Variants in NCKAP5 observed in about 807,000 individuals in gnomAD.
The protein encoded by NCKAP5 is nck-associated protein 5.
A neutral mutation model predicts 167.0 loss-of-function variants in NCKAP5; 92 were observed. The ratio of observed to expected loss-of-function variants is 0.55; its 90% CI spans 0.47 to 0.66. The LOEUF (loss-of-function observed/expected upper bound fraction) is 0.66, where lower values mean the gene tolerates loss of function less well. Among genes scored for constraint, NCKAP5 ranks in the 30% least tolerant of loss-of-function variants. The pLI is 0.00. For missense variants in NCKAP5, 2,378 were observed against 2,315.0 expected, an observed-to-expected ratio of 1.03 and a Z score of -0.56; for synonymous variants, 891 against 877.4, an observed-to-expected ratio of 1.02 and a Z score of -0.27.
chr2:133,387,380 C>T lies in NCKAP5; in HGVS notation c.70-84270G>A, dbSNP rs188434565. Among the ~76,000 whole-genome samples, 3 of 152,352 alleles carry T rather than the reference C, an allele frequency of 2.0e-5. No homozygotes were observed. The East Asian group carries it at 5.8e-4, about 29-fold the overall frequency. On this transcript the variant is annotated intron_variant, in intron 3 of 19. Coordinates refer to ENST00000409261, the MANE Select transcript of NCKAP5 (RefSeq NM_207363.3). Reference sequence around the variant, plus strand: ...AGAATGTTGAATATTGGCCCCCACTCTCTTCTGGCTCATAGAGTTTCTGCC... The same window carrying T: ...AGAATGTTGAATATTGGCCCCCACTTTCTTCTGGCTCATAGAGTTTCTGCC...
intron 2 of NCKAP5, among the ~76,000 whole-genome samples, chr2:133,518,266 A>G (rs1684176948): frequency 6.6e-6 from 1 of 151,312 alleles, no homozygotes; most frequent in East Asian, 2.0e-4. Context: ...AGGATTCATC[A>G]TATATGTTAA....
At chr2:132,978,818 C>G (rs1043388284) in intron 7 of NCKAP5, among the ~76,000 whole-genome samples, 2 of 152,178 alleles carry the variant, frequency 1.3e-5, no homozygotes, top group Non-Finnish European at 2.9e-5. Context: ...GACTTCTGCC[C>G]ACAACAACCC....
chr2:133,491,434 C>A (rs970015533), intron 3 of NCKAP5, among the ~76,000 whole-genome samples: 25 of 152,032 alleles, frequency 1.6e-4, no homozygotes, highest in African/African-American at 5.1e-4. Flanking sequence ...ATGTTGTGTG[C>A]AGAGAGGTCC....
At chr2:132,755,649 T>C (rs1680475467) in intron 16 of NCKAP5, among the ~76,000 whole-genome samples, 1 of 151,662 alleles carries the variant, frequency 6.6e-6, no homozygotes, top group South Asian at 2.1e-4. Context: ...ACCAACATGG[T>C]GAAACCCCGT....
intron 3 of NCKAP5, among the ~76,000 whole-genome samples, chr2:133,425,055 A>G (rs1574933029): frequency 6.6e-6 from 1 of 152,336 alleles, no homozygotes; most frequent in East Asian, 1.9e-4. Flanking sequence ...TTTTCCTACA[A>G]GGGAGCCTTG....
At chr2:133,573,403 G>C (rs1315734392), upstream of NCKAP5, among the ~76,000 whole-genome samples, 1 of 152,160 alleles carries the variant, frequency 6.6e-6, no homozygotes, top group Non-Finnish European at 1.5e-5. Context: ...CAACCCCAAG[G>C]ACCTTTGGCG....
the NCKAP5 span, among the ~76,000 whole-genome samples, chr2:133,651,690 C>A: frequency 6.6e-6 from 1 of 152,148 alleles, no homozygotes; most frequent in Non-Finnish European, 1.5e-5. Flanking sequence ...ATCAGGATCT[C>A]AAAGAGATAT....
At chr2:132,746,169 G>A (rs969323970) in intron 16 of NCKAP5, among the ~76,000 whole-genome samples, 1 of 151,972 alleles carries the variant, frequency 6.6e-6, no homozygotes, top group Non-Finnish European at 1.5e-5. Flanking sequence ...ATAAGGCTAC[G>A]TTCATTAAGA....
chr2:132,974,732 C>T (rs1248730433), intron 7 of NCKAP5, among the ~76,000 whole-genome samples: 2 of 152,306 alleles, frequency 1.3e-5, no homozygotes, highest in East Asian at 3.9e-4. Context: ...AGCGTTTCTC[C>T]CAAGGCTCCC....
At chr2:132,766,898 C>T (rs780458772) in intron 16 of NCKAP5, among the ~76,000 whole-genome samples, 4 of 152,166 alleles carry the variant, frequency 2.6e-5, no homozygotes, top group Non-Finnish European at 5.9e-5. Context: ...TCTGTCTCTA[C>T]CTAACTGCAG....
intron 7 of NCKAP5, among the ~76,000 whole-genome samples, chr2:132,980,784 G>C (rs2077113696): frequency 6.6e-6 from 1 of 151,944 alleles, no homozygotes; most frequent in East Asian, 1.9e-4. Context: ...GAAAAAAAAA[G>C]GTAATAAAAA....
rs70973417 is a variant in NCKAP5 at position 133,200,061 on chromosome 2, C to CTTTTTTTT, written c.207+13647_207+13654dup. Among the ~76,000 whole-genome samples the CTTTTTTTT allele has an allele frequency of 1.8e-3, 195 of 109,350 alleles. 4 individuals are homozygous for CTTTTTTTT. The highest frequency in any genetic ancestry group is 0.016 in the East Asian group (57 of 3,532). The allele number at this position is 109,350 out of a possible 152,430, so 71.7% of individuals were successfully genotyped here. A position where few individuals can be genotyped will look rare whatever the true frequency, so the allele number is the denominator to read the frequency against. Reference sequence around the variant, plus strand: ...ATCCCAGTTGGCTTTTTTTTTCTTTCTTTTTTTTTTTTTTTTTTGCAGAAA... The same window carrying CTTTTTTTT: ...ATCCCAGTTGGCTTTTTTTTTCTTTCTTTTTTTTTTTTTTTTTTTTTTTTTTGCAGAAA... On this transcript the variant is annotated intron_variant, in intron 5 of 19. Coordinates refer to ENST00000409261, the MANE Select transcript of NCKAP5 (RefSeq NM_207363.3).
chr2:133,279,837 C>A (rs2089873724), intron 4 of NCKAP5, among the ~76,000 whole-genome samples: 1 of 152,216 alleles, frequency 6.6e-6, no homozygotes, highest in Non-Finnish European at 1.5e-5. Flanking sequence ...CAACCATACT[C>A]TGAAGATGAA....
intron 3 of NCKAP5, among the ~76,000 whole-genome samples, chr2:133,514,674 G>A (rs1172399154): frequency 1.3e-5 from 2 of 152,058 alleles, no homozygotes; most frequent in African/African-American, 4.8e-5. Context: ...GTGTCATGAC[G>A]ATTATTGCAA....
chr2:132,861,858 A>G (rs767307937), intron 10 of NCKAP5, among the ~76,000 whole-genome samples: 8 of 152,242 alleles, frequency 5.3e-5, no homozygotes, highest in Non-Finnish European at 8.8e-5. Context: ...GACAAGCTCA[A>G]GAAGATACTG....
rs190132523 is a variant in NCKAP5 at position 133,358,534 on chromosome 2, C to T, written c.70-55424G>A. 7.8e-3 allele frequency among the ~76,000 whole-genome samples: 1,184 copies of T among 152,298 alleles called. 19 individuals are homozygous for T. Among genetic ancestry groups the T allele is most frequent in the African/African-American group, 0.026 (1,085 of 41,550 alleles). On this transcript the variant is annotated intron_variant, in intron 3 of 19. Coordinates refer to ENST00000409261, the MANE Select transcript of NCKAP5 (RefSeq NM_207363.3). ...TCAAAACTGCAGTGAGCTATAATCA[C>T]GCCCTGTGCCCCAGCCTGGACAACA...
intron 2 of NCKAP5, among the ~76,000 whole-genome samples, chr2:133,555,705 G>T (rs919772256): frequency 2.6e-5 from 4 of 152,138 alleles, no homozygotes; most frequent in African/African-American, 9.7e-5. Context: ...TAATCCCCTT[G>T]AAAGACTGTT....
At position 132,782,872 on chromosome 2, in the gene NCKAP5, G is replaced by C; in HGVS notation, c.3939C>G (p.Thr1313=). ...TNTAERGNSL[T]RQNSSTESSP... Reference sequence around the variant, plus strand: ...AGCTTTCCGTGGAAGAGTTCTGCCGGGTAAGAGAATTGCCTCTCTCGGCGG... The same window carrying C: ...AGCTTTCCGTGGAAGAGTTCTGCCGCGTAAGAGAATTGCCTCTCTCGGCGG... Residue 1313 remains threonine, a synonymous_variant, in exon 14 of 20, where the codon ACC becomes ACG. Transcript: ENST00000409261. The C allele has an allele frequency of 1.9e-6, 3 of 1,613,922 alleles. No homozygotes were observed. The highest frequency in any genetic ancestry group is 2.2e-5 in the South Asian group (2 of 91,060).
At chr2:132,749,503 C>T in intron 16 of NCKAP5, among the ~76,000 whole-genome samples, 1 of 152,194 alleles carries the variant, frequency 6.6e-6, no homozygotes, top group East Asian at 1.9e-4. Context: ...AACCGAATCT[C>T]ACTTCCTAAA....
Sources: gnomAD v4.1 joint callset for allele counts (sites outside exome capture counted in the v4.1 genomes callset) on GRCh38, gnomAD v4.1.1 for gene constraint, MANE v1.5 for transcripts, NCBI Gene and HGNC (gene_info 2026-07-23, HGNC 2026-07-21) for gene names.